The following HPSE2 variants were observed in gnomAD, a reference collection of about 807,000 sequenced individuals.
HPSE2 encodes the protein heparanase 2 (inactive).
HPSE2 carries 38 observed loss-of-function variants against 60.5 expected under a neutral mutation model. The observed-to-expected ratio is 0.63, with a 90% CI of 0.48 to 0.82. HPSE2 has a LOEUF of 0.82. Among genes scored for constraint, HPSE2 ranks in the 40% least tolerant of loss-of-function variants. The probability of loss-of-function intolerance (pLI) is 0.00; values close to 1 mark genes in which losing one functional copy is unlikely to be tolerated. For synonymous variants in HPSE2, 295 were observed against 293.2 expected (o/e 1.01, Z -0.06); for missense variants, 713 against 740.4 (o/e 0.96, Z 0.43).
intron 3 of HPSE2, among the ~76,000 whole-genome samples, chr10:98,838,481 G>T (rs1208904596): frequency 6.7e-6 from 1 of 149,268 alleles, no homozygotes; most frequent in African/African-American, 2.5e-5. Context: ...TTTTAGATGG[G>T]GTCTCATCAT....
the HPSE2 span, among the ~76,000 whole-genome samples, chr10:99,300,994 A>G: frequency 1.3e-5 from 2 of 152,176 alleles, no homozygotes; most frequent in Non-Finnish European, 2.9e-5. Flanking sequence ...TTTGTTCAGG[A>G]TCTAAGGGCA....
chr10:98,889,222 A>G (rs1233622317), intron 3 of HPSE2, among the ~76,000 whole-genome samples: 1 of 152,010 alleles, frequency 6.6e-6, no homozygotes, highest in African/African-American at 2.4e-5. Flanking sequence ...TTTATTTTGG[A>G]AACAGGATCT....
At chr10:98,768,103 G>A (rs1010364613) in intron 3 of HPSE2, among the ~76,000 whole-genome samples, 10 of 151,882 alleles carry the variant, frequency 6.6e-5, no homozygotes, top group African/African-American at 2.4e-4. Context: ...GAAATACTCA[G>A]GCAGGTTTAA....
intron 2 of HPSE2, among the ~76,000 whole-genome samples, chr10:99,211,231 A>C (rs1337597389): frequency 1.3e-5 from 2 of 152,208 alleles, no homozygotes; most frequent in African/African-American, 4.8e-5. Context: ...CGTACACATA[A>C]GAGCTATCCC....
intron 6 of HPSE2, among the ~76,000 whole-genome samples, chr10:98,680,554 T>C (rs1947757551): frequency 6.6e-6 from 1 of 152,144 alleles, no homozygotes; most frequent in African/African-American, 2.4e-5. Context: ...CATTGTCACA[T>C]ACTTGGAATA....
intron 3 of HPSE2, among the ~76,000 whole-genome samples, chr10:98,891,442 ATATTAT>A (rs908933092): frequency 1.3e-5 from 2 of 152,000 alleles, no homozygotes; most frequent in Admixed American, 6.6e-5. Context: ...TTTAACAGTT[ATATTAT>A]TATTATTATT....
intron 3 of HPSE2, among the ~76,000 whole-genome samples, chr10:98,983,102 T>A (rs941604263): frequency 1.3e-5 from 2 of 152,210 alleles, no homozygotes; most frequent in African/African-American, 4.8e-5. Flanking sequence ...AGGGACCAGT[T>A]TCATGGAAGA....
At chr10:98,809,272 T>C (rs1951111453) in intron 3 of HPSE2, among the ~76,000 whole-genome samples, 1 of 152,146 alleles carries the variant, frequency 6.6e-6, no homozygotes, top group Non-Finnish European at 1.5e-5. Flanking sequence ...GAGTTGGTAA[T>C]TGTTGAAATT....
intron 3 of HPSE2, among the ~76,000 whole-genome samples, chr10:98,989,607 T>C (rs1589475233): frequency 6.6e-6 from 1 of 150,624 alleles, no homozygotes; most frequent in South Asian, 2.1e-4. Flanking sequence ...GTAACAAACC[T>C]GCACGGTGTG....
intron 9 of HPSE2, among the ~76,000 whole-genome samples, chr10:98,515,141 A>T (rs1942558856): frequency 6.6e-6 from 1 of 152,146 alleles, no homozygotes; most frequent in Non-Finnish European, 1.5e-5. Flanking sequence ...AAGCCGACTG[A>T]GAGTGGCTGG....
intron 3 of HPSE2, among the ~76,000 whole-genome samples, chr10:98,946,242 G>A (rs1366402643): frequency 1.3e-5 from 2 of 151,976 alleles, no homozygotes; most frequent in African/African-American, 4.8e-5. Context: ...GGCCAAGGTG[G>A]GAGGATTGCT....
chr10:99,168,985 G>A (rs1368259217), intron 2 of HPSE2, among the ~76,000 whole-genome samples: 2 of 151,926 alleles, frequency 1.3e-5, no homozygotes, highest in Non-Finnish European at 2.9e-5. Flanking sequence ...ACAAGGTCAG[G>A]AGATCGAGAC....
intron 2 of HPSE2, among the ~76,000 whole-genome samples, chr10:99,219,865 A>C (rs1849251258): frequency 6.6e-6 from 1 of 152,330 alleles, no homozygotes; most frequent in East Asian, 1.9e-4. Flanking sequence ...CTAACTAAAA[A>C]TTATCCCAGG....
intron 3 of HPSE2, among the ~76,000 whole-genome samples, chr10:99,040,172 T>C (rs1310782350): frequency 1.3e-5 from 2 of 152,188 alleles, no homozygotes; most frequent in African/African-American, 4.8e-5. Context: ...TTAAAATATA[T>C]CACAGGCATC....
At chr10:99,273,883 G>A in the HPSE2 span, among the ~76,000 whole-genome samples, 1 of 152,164 alleles carries the variant, frequency 6.6e-6, no homozygotes, top group African/African-American at 2.4e-5. Flanking sequence ...TGATCCTTTG[G>A]CCAGTGAGAA....
At chr10:99,305,961 A>ATACGCGCGTGCG in the HPSE2 span, among the ~76,000 whole-genome samples, 36 of 103,050 alleles carry the variant, frequency 3.5e-4, 2 homozygotes, top group African/African-American at 1.4e-3. Context: ...ACTCACACAC[A>ATACGCGCGTGCG]CGCGCGCGCG....
At chr10:98,517,967 A>G (rs996233461) in intron 9 of HPSE2, among the ~76,000 whole-genome samples, 1 of 152,222 alleles carries the variant, frequency 6.6e-6, no homozygotes. Flanking sequence ...ATGCTTGATT[A>G]TTACCCAAGA....
the HPSE2 span, among the ~76,000 whole-genome samples, chr10:99,313,832 C>T: frequency 2.0e-5 from 3 of 151,686 alleles, no homozygotes; most frequent in African/African-American, 7.3e-5. Context: ...GATCTCTTGA[C>T]CTCATAATCT....
intron 3 of HPSE2, among the ~76,000 whole-genome samples, chr10:99,080,984 C>T (rs10786503): frequency 0.49 from 74,369 of 151,978 alleles, 20,722 homozygotes; most frequent in East Asian, 0.65. Flanking sequence ...TTAGTAGAGA[C>T]GGGGTTTCAC....
Sources: gnomAD v4.1 joint callset for allele counts (sites outside exome capture counted in the v4.1 genomes callset) on GRCh38, gnomAD v4.1.1 for gene constraint, MANE v1.5 for transcripts, NCBI Gene and HGNC (gene_info 2026-07-23, HGNC 2026-07-21) for gene names.